LRP4: variants seen among roughly 807,000 people sequenced by gnomAD.
The protein encoded by LRP4 is low-density lipoprotein receptor-related protein 4.
A neutral mutation model predicts 220.3 loss-of-function variants in LRP4; 95 were observed. That is an observed-to-expected ratio of 0.43 (90% CI 0.37 to 0.51). The LOEUF is 0.51. LRP4 is among the 20% of genes least tolerant of loss of function. The pLI, the probability that LRP4 is intolerant of heterozygous loss-of-function variation, is 0.00. For synonymous variants in LRP4, 903 were observed against 954.6 expected, an observed-to-expected ratio of 0.95 and a Z score of 1.00; for missense variants, 1,925 against 2,567.0, an observed-to-expected ratio of 0.75 and a Z score of 5.40.
At position 46,898,310 on chromosome 11, in the gene LRP4, C is replaced by T. The variant is rs186910184; in HGVS notation, c.796+248G>A. 7.2e-5 allele frequency among the ~76,000 whole-genome samples: 11 copies of T among 152,310 alleles called. No individual in the cohort carries two copies. The East Asian group carries it at 1.9e-3, about 27-fold the overall frequency. ...AAGCGATTCTCCTGCCTCAGCCTCCCGAGTAGCTGGGATTACAGGCATGCG... is the reference window on the plus strand; with the variant it reads ...AAGCGATTCTCCTGCCTCAGCCTCCTGAGTAGCTGGGATTACAGGCATGCG... On this transcript the variant is annotated intron_variant, in intron 7 of 37. Coordinates refer to ENST00000378623, the MANE Select transcript of LRP4 (RefSeq NM_002334.4).
Position 46,896,818 on chromosome 11 carries a change from T to C in LRP4, c.922+51A>G, listed in dbSNP as rs1592542868. The C allele has an allele frequency of 3.1e-6, 5 of 1,613,198 alleles. No homozygotes were observed. The East Asian group carries it at 1.1e-4, about 36-fold the overall frequency. ...TACCAAAGCACCCTCTTTTCCACCC[T>C]TCCACCCCAACTATAGGCTAAGGGT... is the stretch of plus-strand genomic sequence containing the variant. On this transcript the variant is annotated intron_variant, in intron 8 of 37. Coordinates refer to ENST00000378623, the MANE Select transcript of LRP4 (RefSeq NM_002334.4).
chr11:46,869,787 G>A (rs1940810703), intron 31 of LRP4, among the ~76,000 whole-genome samples: 1 of 152,056 alleles, frequency 6.6e-6, no homozygotes, highest in African/African-American at 2.4e-5. Context: ...GAAAAAAAAA[G>A]ACTATCATTA....
At chr11:46,913,025 A>G (rs890219467) in intron 1 of LRP4, among the ~76,000 whole-genome samples, 1 of 152,154 alleles carries the variant, frequency 6.6e-6, no homozygotes, top group Non-Finnish European at 1.5e-5. Flanking sequence ...CAGGGCTTGC[A>G]GCAAGTCCCA....
rs371677748 is a variant in LRP4, at chr11:46,886,391, G to A, written c.2358C>T (p.His786=). ...CAGTGCTGACATCTGTCCAGTACACGTGGTCATCCCGGGAGTCCCAGTCAA... is the reference window on the plus strand; with the variant it reads ...CAGTGCTGACATCTGTCCAGTACACATGGTCATCCCGGGAGTCCCAGTCAA... ...VALDWDSRDD[H]VYWTDVSTDT... is the part of the protein sequence containing the mutation. Residue 786 remains histidine, a synonymous_variant, in exon 17 of 38, where the codon CAC becomes CAT. Coordinates refer to ENST00000378623, the MANE Select transcript of LRP4 (RefSeq NM_002334.4). 38 of 1,611,470 alleles carry A rather than the reference G, an allele frequency of 2.4e-5. No individual in the cohort carries two copies. The highest frequency in any genetic ancestry group is 5.3e-5 in the African/African-American group (4 of 74,868).
intron 19 of LRP4, 67 bp downstream of exon 19, chr11:46,883,804 A>G: frequency 8.2e-7 from 1 of 1,214,792 alleles, no homozygotes; most frequent in South Asian, 1.2e-5. Flanking sequence ...TAATCTTTAG[A>G]CTCCTCTCTG....
intron 20 of LRP4, among the ~76,000 whole-genome samples, chr11:46,879,966 G>A (rs1405126260): frequency 2.0e-5 from 3 of 152,126 alleles, no homozygotes; most frequent in South Asian, 2.1e-4. Flanking sequence ...TTAGCTGGGC[G>A]TGGTAGCGGG....
chr11:46,897,588 C>T (rs1044410905), intron 7 of LRP4, among the ~76,000 whole-genome samples: 6 of 149,384 alleles, frequency 4.0e-5, no homozygotes, highest in Non-Finnish European at 4.4e-5. Context: ...AACGAGCATG[C>T]GGCCTTCAAG....
At position 46,865,000 on chromosome 11, in the gene LRP4, A is replaced by G. The variant is rs181264347; in HGVS notation, c.5155+119T>C. The G allele has an allele frequency of 3.3e-4, 281 of 849,304 alleles. 1 individual carries two copies. The Admixed American group carries it at 3.9e-3, about 12-fold the overall frequency. The allele number at this position is 849,304 out of a possible 1,614,324, so 52.6% of individuals were successfully genotyped here. ...GCTATTATGATTATTATTTCTATGG[A>G]CTTAGTTTAAAAAGAGTTCATCAAC... On this transcript the variant is annotated intron_variant, in intron 35 of 37. Transcript: ENST00000378623.
chr11:46,903,075 C>T (rs1245830989), intron 1 of LRP4, 146 bp from the exon 2 acceptor site: 3 of 961,410 alleles, frequency 3.1e-6, no homozygotes, highest in Non-Finnish European at 4.8e-6. Context: ...GGCAGTAAAA[C>T]CATGCCTCCT....
intron 1 of LRP4, among the ~76,000 whole-genome samples, chr11:46,911,524 G>T (rs914802528): frequency 6.6e-6 from 1 of 150,666 alleles, no homozygotes; most frequent in African/African-American, 2.5e-5. Context: ...ATGAGTTCGA[G>T]GCTACAGTGA....
At chr11:46,859,554 C>G (rs1322372084) in intron 37 of LRP4, among the ~76,000 whole-genome samples, 2 of 152,182 alleles carry the variant, frequency 1.3e-5, no homozygotes, top group Non-Finnish European at 2.9e-5. Flanking sequence ...GCTTCCGGTC[C>G]TGCAGCAGCC....
At position 46,881,834 on chromosome 11, in the gene LRP4, G is replaced by A; in HGVS notation, c.2682C>T (p.Arg894=). The A allele has an allele frequency of 6.2e-7, 1 of 1,614,194 alleles. No homozygotes were observed. Among genetic ancestry groups the A allele is most frequent in the South Asian group, 1.1e-5 (1 of 91,080 alleles). ...IERAGMDASG[R]QVIISSNLTW... is the part of the protein sequence containing the mutation. The stretch of plus-strand genomic sequence containing the variant: ...TCAGATTAGAAGAGATAATGACTTG[G>A]CGGCCTGAGGCATCCATGCCAGCTC... Residue 894 remains arginine (R), a synonymous_variant, in exon 20 of 38, where the codon CGC becomes CGT. Transcript: ENST00000378623.
rs1940398519 is a variant in LRP4, at chr11:46,857,080, T to C, written c.*1903A>G. ...GCTCAAATAGATACTTCCTCAAATA[T>C]GTCCTTTCTACATTCTGAACAGCCC... On this transcript the variant is annotated 3_prime_UTR_variant, in exon 38 of 38. Coordinates refer to ENST00000378623, the MANE Select transcript of LRP4 (RefSeq NM_002334.4). 6.6e-6 allele frequency: 1 copy of C among 152,616 alleles called. No individual in the cohort carries two copies. The highest frequency in any genetic ancestry group is 2.1e-4 in the South Asian group (1 of 4,826). The allele number at this position is 152,616 out of a possible 1,614,324, so 9.5% of individuals were successfully genotyped here. A position where few individuals can be genotyped will look rare whatever the true frequency, so the allele number is the denominator to read the frequency against.
chr11:46,891,412 C>T (rs1941419620), intron 13 of LRP4, among the ~76,000 whole-genome samples: 1 of 148,562 alleles, frequency 6.7e-6, no homozygotes, highest in South Asian at 2.2e-4. Context: ...CCATGCCCGG[C>T]TCCTTTTGTA....
chr11:46,892,228 C>T lies in LRP4; in HGVS notation c.1697+745G>A, dbSNP rs117026289. Among the ~76,000 whole-genome samples, 33 of 152,192 alleles carry T rather than the reference C, an allele frequency of 2.2e-4. No homozygotes were observed. The East Asian group carries it at 6.4e-3, about 29-fold the overall frequency. On this transcript the variant is annotated intron_variant, in intron 13 of 37. Transcript: ENST00000378623. The stretch of plus-strand genomic sequence containing the variant: ...AATTATAGGTGTGAGCCACTGTGCC[C>T]GGCCCCTCTATTAATTTTTAGGCTA...
chr11:46,878,072 C>T (rs988473240), intron 22 of LRP4, among the ~76,000 whole-genome samples: 1 of 152,062 alleles, frequency 6.6e-6, no homozygotes, highest in Non-Finnish European at 1.5e-5. Flanking sequence ...TCAAATGCAG[C>T]CTACCCTGCA....
In LRP4 at chr11:46,889,526, G is replaced by T; in HGVS notation, c.2100C>A (p.Asn700Lys). The T allele has an allele frequency of 6.2e-7, 1 of 1,613,824 alleles. No individual in the cohort carries two copies. Among genetic ancestry groups the T allele is most frequent in the Non-Finnish European group, 8.5e-7 (1 of 1,180,034 alleles). ...LHPQRQPAGK[N>K]RCGDNNGGCT... The stretch of plus-strand genomic sequence containing the variant: ...AGCCTCCGTTGTTGTCCCCACAGCG[G>T]TTTTTCCCTGCTCAAAGAGCCCAGG... The change falls in exon 16 of 38, where the codon AAC becomes AAA. Residue 700 changes from asparagine to lysine, a missense_variant. By Grantham distance (94) the Asn-to-Lys change is moderately conservative. This residue lies in a region of LRP4 where 1,244 missense variants were observed against 1,624.9 expected (regional missense o/e 0.77). Coordinates refer to ENST00000378623, the MANE Select transcript of LRP4 (RefSeq NM_002334.4).
chr11:46,875,861 A>C lies in LRP4; in HGVS notation c.3642T>G (p.Asn1214Lys), dbSNP rs1444509043. The change falls in exon 26 of 38, where the codon AAT (asparagine) becomes AAG (lysine). Residue 1214 changes from asparagine (N) to lysine (K), a missense_variant. By Grantham distance (94) the Asn-to-Lys change is moderately conservative (BLOSUM62 0). Around this residue, in one of 3 missense-constraint regions of LRP4, gnomAD observed 1,244 missense variants for 1,624.9 expected, o/e 0.77. Coordinates refer to ENST00000378623, the MANE Select transcript of LRP4 (RefSeq NM_002334.4). The surrounding 1 kb of genome is among the most constrained non-coding windows in gnomAD (Gnocchi z 4.5). ...AGCTGGCCTTGTCCACAGTCAGTCC[A>C]TTGGGCCATCCTAGGTTGTTGTTGA... ...VLINNNLGWP[N>K]GLTVDKASSQ... 6.2e-7 allele frequency: 1 copy of C among 1,614,042 alleles called. No individual in the cohort carries two copies. Among genetic ancestry groups the C allele is most frequent in the Admixed American group, 1.7e-5 (1 of 60,012 alleles).
intron 1 of LRP4, among the ~76,000 whole-genome samples, chr11:46,917,002 G>A (rs933717865): frequency 3.9e-5 from 6 of 152,246 alleles, no homozygotes; most frequent in African/African-American, 1.4e-4. Context: ...GCTCTTCGGA[G>A]AGAAAGAGCT....
Sources: allele counts gnomAD v4.1 joint callset (sites outside exome capture counted in the v4.1 genomes callset), GRCh38; gene constraint gnomAD v4.1.1; regional missense constraint gnomAD v4.1.1; non-coding constraint Gnocchi (gnomAD v3.1); transcripts MANE v1.5; gene names NCBI Gene and HGNC (gene_info 2026-07-23, HGNC 2026-07-21).